EAPP: variants seen among roughly 807,000 people sequenced by gnomAD.
The protein encoded by EAPP is E2F associated phosphoprotein.
Under a neutral mutation model 34.3 loss-of-function variants are expected in EAPP, and 38 were observed. That is an observed-to-expected ratio of 1.11 (90% CI 0.85 to 1.45). EAPP has a LOEUF of 1.45. Ranked by LOEUF, EAPP falls within the 40% of genes most tolerant of loss-of-function variation. The pLI is 0.00. For missense variants in EAPP, 338 were observed against 343.7 expected (o/e 0.98, Z 0.13); for synonymous variants, 113 against 117.6 (o/e 0.96, Z 0.25).
chr14:34,525,247 T>C (rs1880057461), intron 4 of EAPP, among the ~76,000 whole-genome samples: 1 of 152,198 alleles, frequency 6.6e-6, no homozygotes, highest in Non-Finnish European at 1.5e-5. Context: ...TATAACTCCC[T>C]AGTCCTTAAG....
intron 5 of EAPP, among the ~76,000 whole-genome samples, chr14:34,523,382 C>T (rs1195184085): frequency 1.3e-5 from 2 of 151,874 alleles, no homozygotes; most frequent in African/African-American, 2.4e-5. Context: ...GGACTACAGG[C>T]GCCCGCCACC....
chr14:34,539,267 CT>C, intron 1 of EAPP: 1 of 607,422 alleles, frequency 1.6e-6, no homozygotes, highest in South Asian at 1.6e-5. Context: ...TTCCGTCACT[CT>C]GCTACTAAGG....
chr14:34,539,477 G>T, intron 1 of EAPP, 78 bp downstream of exon 1: 2 of 1,479,430 alleles, frequency 1.4e-6, no homozygotes, highest in Non-Finnish European at 9.3e-7. Context: ...CGTAGGCTCG[G>T]CAGGCGCAAC....
At chr14:34,531,589 G>A (rs996635630) in intron 3 of EAPP, among the ~76,000 whole-genome samples, 5 of 151,978 alleles carry the variant, frequency 3.3e-5, no homozygotes, top group East Asian at 1.9e-4. Flanking sequence ...GCGATAGAGC[G>A]AGACTTTGTC....
At chr14:34,533,715 G>A (rs1238991104) in intron 2 of EAPP, among the ~76,000 whole-genome samples, 176 bp from the exon 3 acceptor site, 2 of 152,138 alleles carry the variant, frequency 1.3e-5, no homozygotes, top group Non-Finnish European at 2.9e-5. Flanking sequence ...TACAGTTACA[G>A]AGAACTGGCC....
chr14:34,534,605 GTTTGTGTGTC>G (rs1303551419), intron 2 of EAPP, among the ~76,000 whole-genome samples: 2 of 152,164 alleles, frequency 1.3e-5, no homozygotes, highest in East Asian at 3.9e-4. Flanking sequence ...ACTTTTGTAA[GTTTGTGTGTC>G]TTTTTTTTTT....
At chr14:34,522,574 C>A (rs1879954311) in intron 5 of EAPP, among the ~76,000 whole-genome samples, 1 of 152,066 alleles carries the variant, frequency 6.6e-6, no homozygotes, top group Admixed American at 6.6e-5. Context: ...ATATGTTTGC[C>A]TAGAGATTCT....
chr14:34,536,084 A>G lies in EAPP; in HGVS notation c.256+10T>C. 6.2e-7 allele frequency: 1 copy of G among 1,600,596 alleles called. No individual in the cohort carries two copies. The highest frequency in any genetic ancestry group is 8.5e-7 in the Non-Finnish European group (1 of 1,176,022). On this transcript the variant is annotated intron_variant, in intron 2 of 5. Coordinates refer to ENST00000250454, the MANE Select transcript of EAPP (RefSeq NM_018453.4). The stretch of plus-strand genomic sequence containing the variant: ...ACAAAAATATATATAAAATTGAACC[A>G]AAAGTTTACCAGTTCCCAGAGAGGA...
intron 5 of EAPP, among the ~76,000 whole-genome samples, chr14:34,520,189 GTTCT>G (rs1879871505): frequency 2.0e-5 from 3 of 146,366 alleles, no homozygotes; most frequent in African/African-American, 7.6e-5. Context: ...GCCTGGCCCA[GTTCT>G]TTCTTTTCTC....
chr14:34,532,149 G>A (rs139868880), intron 3 of EAPP, among the ~76,000 whole-genome samples: 36 of 151,616 alleles, frequency 2.4e-4, no homozygotes, highest in African/African-American at 8.2e-4. Flanking sequence ...AAAAATCAAC[G>A]CATTAAGAAA....
At chr14:34,519,948 A>T (rs547204888) in intron 5 of EAPP, among the ~76,000 whole-genome samples, 3 of 149,374 alleles carry the variant, frequency 2.0e-5, no homozygotes, top group Non-Finnish European at 4.4e-5. Context: ...GCAGTGGCGC[A>T]ATCTTGGCTC....
rs563268332 is a variant in EAPP, at chr14:34,517,015, G to A, written c.582-429C>T. ...TGCAGTGGCGCGATCTCGGCTCACT[G>A]CAAGCTCCGTCTCCTGGGTTCACGC... is the stretch of plus-strand genomic sequence containing the variant. On this transcript the variant is annotated intron_variant, in intron 5 of 5. Transcript: ENST00000250454. Among the ~76,000 whole-genome samples the A allele has an allele frequency of 7.4e-5, 11 of 147,966 alleles. No homozygotes were observed. The South Asian group carries it at 2.4e-3, about 32-fold the overall frequency.
intron 1 of EAPP, among the ~76,000 whole-genome samples, chr14:34,538,885 T>C (rs1411239831): frequency 6.6e-6 from 1 of 152,196 alleles, no homozygotes; most frequent in Non-Finnish European, 1.5e-5. Flanking sequence ...CCCACCCTTC[T>C]GGAAATCCCA....
intron 3 of EAPP, among the ~76,000 whole-genome samples, chr14:34,532,674 C>CTTTTTT (rs1382526657): frequency 7.3e-6 from 1 of 136,068 alleles, no homozygotes; most frequent in Non-Finnish European, 1.6e-5. Flanking sequence ...GTGTCCCCAG[C>CTTTTTT]TTTTTTTTTT....
In EAPP at chr14:34,529,245, G is replaced by GT. The variant is rs1306735410; in HGVS notation, c.470+112dup. 3 of 657,446 alleles carry GT rather than the reference G, an allele frequency of 4.6e-6. No individual in the cohort carries two copies. The African/African-American group carries it at 5.8e-5, about 13-fold the overall frequency. The allele number at this position is 657,446 out of a possible 1,614,324, so 40.7% of individuals were successfully genotyped here. A position where few individuals can be genotyped will look rare whatever the true frequency, so the allele number is the denominator to read the frequency against. ...GTTTTTTCCTCTAACTTTTTTGTTT[G>GT]TGTGTGTGTGTTTGTGTAAACATAT... On this transcript the variant is annotated intron_variant, in intron 4 of 5. Transcript: ENST00000250454.
In EAPP at chr14:34,516,481, C is replaced by G; in HGVS notation, c.687G>C (p.Arg229Ser). Reference sequence around the variant, plus strand: ...TAGACCTCATCTTCTTATGGACCCGCCTTTTCTTCCTGTTCTCTGAGGCTT... The same window carrying G: ...TAGACCTCATCTTCTTATGGACCCGGCTTTTCTTCCTGTTCTCTGAGGCTT... ...RYKASENRKK[R>S]RVHKKMRSNR... is the part of the protein sequence containing the mutation. Residue 229 changes from arginine to serine, a missense_variant, in exon 6 of 6, where the codon AGG (arginine) becomes AGC (serine). Coordinates refer to ENST00000250454, the MANE Select transcript of EAPP (RefSeq NM_018453.4). The G allele has an allele frequency of 6.2e-7, 1 of 1,614,156 alleles. No homozygotes were observed. The highest frequency in any genetic ancestry group is 1.6e-4 in the Middle Eastern group (1 of 6,062).
intron 5 of EAPP, among the ~76,000 whole-genome samples, chr14:34,520,480 G>A (rs1264030458): frequency 6.6e-6 from 1 of 151,750 alleles, no homozygotes; most frequent in African/African-American, 2.4e-5. Flanking sequence ...AAAGTGCTAG[G>A]ATTACAGGCA....
chr14:34,520,031 G>A (rs1292927626), intron 5 of EAPP, among the ~76,000 whole-genome samples: 1 of 150,766 alleles, frequency 6.6e-6, no homozygotes, highest in African/African-American at 2.4e-5. Flanking sequence ...GATTACAGGT[G>A]TCCGCCACGA....
chr14:34,532,286 C>T (rs1594668323), intron 3 of EAPP, among the ~76,000 whole-genome samples: 3 of 151,630 alleles, frequency 2.0e-5, no homozygotes, highest in Admixed American at 1.3e-4. Context: ...GGTGAAACCC[C>T]GTTTCTCCTA....
Sources: allele counts gnomAD v4.1 joint callset (sites outside exome capture counted in the v4.1 genomes callset), GRCh38; gene constraint gnomAD v4.1.1; transcripts MANE v1.5; gene names NCBI Gene and HGNC (gene_info 2026-07-23, HGNC 2026-07-21).